Variants in DNAH8 observed in about 807,000 individuals in gnomAD.
DNAH8 encodes dynein axonemal heavy chain 8.
DNAH8 carries 382 observed loss-of-function variants against 562.1 expected under a neutral mutation model. The ratio of observed to expected loss-of-function variants is 0.68; its 90% CI spans 0.63 to 0.74. The LOEUF (loss-of-function observed/expected upper bound fraction) is 0.74. DNAH8 is among the 30% of genes least tolerant of loss of function. The pLI is 0.00. For missense variants in DNAH8, 5,203 were observed against 5,620.4 expected (o/e 0.93, Z 2.37); for synonymous variants, 1,881 against 1,919.4 (o/e 0.98, Z 0.52).
rs549807414 is a variant in DNAH8, at chr6:38,828,305, C to T, written c.4188+17C>T. On this transcript the variant is annotated intron_variant, in intron 30 of 92. Coordinates refer to ENST00000327475, the MANE Select transcript of DNAH8 (RefSeq NM_001206927.2). ...AGCAAAGCTGTAAGTATGAATTTAA[C>T]TACATTATTTTTTCTTAAGTCACTA... The T allele has an allele frequency of 2.8e-6, 4 of 1,447,726 alleles. No individual in the cohort carries two copies. The highest frequency in any genetic ancestry group is 1.4e-5 in the African/African-American group (1 of 69,354). The allele number at this position is 1,447,726 out of a possible 1,614,324, so 89.7% of individuals were successfully genotyped here. A position where few individuals can be genotyped will look rare whatever the true frequency, so the allele number is the denominator to read the frequency against.
In DNAH8 at chr6:38,832,328, G is replaced by A; in HGVS notation, c.4195G>A (p.Val1399Ile). ...FNKLQSKAVSVQEDLVQVQPK... is the reference protein window; with the variant it reads ...FNKLQSKAVSIQEDLVQVQPK... ...ATATTCTTTTTTATTGTAGGTTTCA[G>A]TACAAGAGGACCTAGTTCAAGTGCA... Residue 1399 changes from valine to isoleucine, a missense_variant, in exon 31 of 93, where the codon GTA becomes ATA. Transcript: ENST00000327475. The A allele has an allele frequency of 6.2e-7, 1 of 1,606,820 alleles. No individual in the cohort carries two copies. The highest frequency in any genetic ancestry group is 8.5e-7 in the Non-Finnish European group (1 of 1,174,004).
At chr6:38,819,058 T>C (rs1772577765) in intron 26 of DNAH8, among the ~76,000 whole-genome samples, 1 of 152,208 alleles carries the variant, frequency 6.6e-6, no homozygotes. Flanking sequence ...CTAGGACTTA[T>C]TTATGATCCT....
chr6:38,968,617 A>G (rs1763133916), intron 82 of DNAH8, among the ~76,000 whole-genome samples: 1 of 152,172 alleles, frequency 6.6e-6, no homozygotes, highest in African/African-American at 2.4e-5. Flanking sequence ...GCTATAATCA[A>G]AGACAGGGAC....
rs747361007 is a variant in DNAH8 at position 38,915,306 on chromosome 6, G to GA, written c.10074dup (p.Val3359SerfsTer4). On this transcript the variant is annotated frameshift_variant, in exon 68 of 93. Transcript: ENST00000327475. LOFTEE classifies it high-confidence loss of function. ...AAAAATTGTGGATGAAATTGATAGT[G>GA]AAAAAGTGAAAGCTGAAAGCAAGCT... is the stretch of plus-strand genomic sequence containing the variant. 3 of 1,609,780 alleles carry GA rather than the reference G, an allele frequency of 1.9e-6. No homozygotes were observed. The African/African-American group carries it at 4.0e-5, about 22-fold the overall frequency.
At chr6:38,733,494 A>T (rs1763822676) in intron 4 of DNAH8, among the ~76,000 whole-genome samples, 1 of 152,110 alleles carries the variant, frequency 6.6e-6, no homozygotes, top group South Asian at 2.1e-4. Flanking sequence ...GATGAGTAGG[A>T]ATTTGTAGGT....
intron 14 of DNAH8, among the ~76,000 whole-genome samples, chr6:38,779,742 A>G (rs758949966): frequency 7.9e-5 from 12 of 152,142 alleles, no homozygotes; most frequent in Non-Finnish European, 1.6e-4. Flanking sequence ...TTAAATAATT[A>G]TTTTTGTTAC....
At chr6:39,026,688 G>T (rs200894627) in intron 92 of DNAH8, 21 bp downstream of exon 92, 4 of 1,610,400 alleles carry the variant, frequency 2.5e-6, no homozygotes, top group Non-Finnish European at 3.4e-6. Flanking sequence ...CTGGGCAATA[G>T]CAGGGACCAT....
At chr6:38,875,929 GAAAA>G in intron 53 of DNAH8, 101 bp downstream of exon 53, 10 of 751,670 alleles carry the variant, frequency 1.3e-5, no homozygotes, top group Non-Finnish European at 2.2e-5. Context: ...AAACAATTAT[GAAAA>G]CATAATTGTT....
chr6:38,985,555 T>C (rs960666021), intron 87 of DNAH8, among the ~76,000 whole-genome samples: 5 of 152,152 alleles, frequency 3.3e-5, no homozygotes, highest in African/African-American at 1.2e-4. Flanking sequence ...TTGGTGAGAA[T>C]GTGCGGAGGG....
chr6:38,823,535 A>G, intron 27 of DNAH8, 27 bp from the exon 28 acceptor site: 1 of 1,552,846 alleles, frequency 6.4e-7, no homozygotes, highest in Non-Finnish European at 8.8e-7. Context: ...TTAAAAAATT[A>G]AAATATTGAC....
At position 39,030,294 on chromosome 6, in the gene DNAH8, A is replaced by C; in HGVS notation, c.14026A>C (p.Thr4676Pro). The C allele has an allele frequency of 6.2e-7, 1 of 1,614,164 alleles. No individual in the cohort carries two copies. Among genetic ancestry groups the C allele is most frequent in the Non-Finnish European group, 8.5e-7 (1 of 1,180,020 alleles). Reference sequence around the variant, plus strand: ...TCCTATTTACAAGAAACCCAGGCGAACTGATTTGACCTTCATCACTGTGGT... The same window carrying C: ...TCCTATTTACAAGAAACCCAGGCGACCTGATTTGACCTTCATCACTGTGGT... ...VCPIYKKPRR[T>P]DLTFITVVYL... Residue 4676 changes from threonine to proline, a missense_variant, in exon 93 of 93, where the codon ACT becomes CCT. Thr to Pro is a conservative substitution (Grantham distance 38, BLOSUM62 -1). Coordinates refer to ENST00000327475, the MANE Select transcript of DNAH8 (RefSeq NM_001206927.2).
At chr6:38,855,751 G>A (rs1776147009) in intron 41 of DNAH8, among the ~76,000 whole-genome samples, 1 of 152,132 alleles carries the variant, frequency 6.6e-6, no homozygotes, top group African/African-American at 2.4e-5. Context: ...ACCCGGCCCG[G>A]CCACAAACCG....
intron 3 of DNAH8, among the ~76,000 whole-genome samples, chr6:38,724,116 T>C (rs1391174713): frequency 6.6e-6 from 1 of 151,940 alleles, no homozygotes; most frequent in Non-Finnish European, 1.5e-5. Context: ...TAGCTGGGAT[T>C]TCAGGCACGC....
intron 12 of DNAH8, among the ~76,000 whole-genome samples, 165 bp from the exon 13 acceptor site, chr6:38,775,589 C>G (rs979330870): frequency 2.6e-5 from 4 of 152,170 alleles, no homozygotes; most frequent in African/African-American, 9.7e-5. Context: ...TGACGGGTGA[C>G]AGAGATTTGT....
intron 15 of DNAH8, 127 bp downstream of exon 15, chr6:38,780,192 C>T (rs750324488): frequency 4.9e-4 from 438 of 890,804 alleles, no homozygotes; most frequent in Non-Finnish European, 6.1e-4. Context: ...GGAGCATTGA[C>T]GCTCCCTTCT....
At chr6:38,851,794 G>A in intron 39 of DNAH8, 120 bp downstream of exon 39, 1 of 705,872 alleles carries the variant, frequency 1.4e-6, no homozygotes, top group Non-Finnish European at 2.4e-6. Flanking sequence ...AAATTACATT[G>A]ATCATAAAAT....
At chr6:38,858,357 T>C (rs1456636994) in intron 42 of DNAH8, among the ~76,000 whole-genome samples, 1 of 152,238 alleles carries the variant, frequency 6.6e-6, no homozygotes, top group Non-Finnish European at 1.5e-5. Flanking sequence ...CTTTCCTTCA[T>C]CAGAGACACA....
At chr6:38,998,860 G>A (rs1289215819) in intron 88 of DNAH8, among the ~76,000 whole-genome samples, 1 of 152,194 alleles carries the variant, frequency 6.6e-6, no homozygotes. Flanking sequence ...TCATCTCAGA[G>A]CATTTATGAG....
chr6:38,942,083 A>G (rs1319189813), intron 79 of DNAH8, among the ~76,000 whole-genome samples: 1 of 152,058 alleles, frequency 6.6e-6, no homozygotes, highest in Non-Finnish European at 1.5e-5. Flanking sequence ...ATGGGCCCTC[A>G]CCAGACGTTG....
Sources: gnomAD v4.1 joint callset for allele counts (sites outside exome capture counted in the v4.1 genomes callset) on GRCh38, gnomAD v4.1.1 for gene constraint, MANE v1.5 for transcripts, NCBI Gene and HGNC (gene_info 2026-07-23, HGNC 2026-07-21) for gene names.